The following EMID1 variants were observed in gnomAD, a reference collection of about 807,000 sequenced individuals.
EMID1 encodes EMI domain-containing protein 1.
Under a neutral mutation model 60.6 loss-of-function variants are expected in EMID1, and 40 were observed. That is an observed-to-expected ratio of 0.66 (90% CI 0.51 to 0.86). The LOEUF is 0.86. Ranked by LOEUF, EMID1 falls within the 40% of genes least tolerant of loss-of-function variation. EMID1 has a pLI of 0.00. For synonymous variants in EMID1, 242 were observed against 231.0 expected, an observed-to-expected ratio of 1.05 and a Z score of -0.43; for missense variants, 585 against 597.1, an observed-to-expected ratio of 0.98 and a Z score of 0.21.
intron 4 of EMID1, among the ~76,000 whole-genome samples, chr22:29,226,100 C>T (rs925171547): frequency 2.0e-5 from 3 of 152,118 alleles, no homozygotes; most frequent in Non-Finnish European, 4.4e-5. Flanking sequence ...CAGACCCAGG[C>T]TTGTCTGAGC....
Position 29,232,321 on chromosome 22 carries a change from C to G in EMID1, c.742C>G (p.Pro248Ala), listed in dbSNP as rs377342880. Residue 248 changes from proline (P) to alanine (A), a missense_variant, in exon 8 of 15, where the codon CCT becomes GCT. Physicochemically the swap from Pro to Ala is conservative, Grantham distance 27. Transcript: ENST00000334018. ...TGTGGGCACCCCTGGAGAGAGGGGACCTCCTGGGCCACCAGGGCCTCCTGG... is the reference window on the plus strand; with the variant it reads ...TGTGGGCACCCCTGGAGAGAGGGGAGCTCCTGGGCCACCAGGGCCTCCTGG... ...GAVGTPGERG[P>A]PGPPGPPGPP... 1 of 1,610,242 alleles carries G rather than the reference C, an allele frequency of 6.2e-7. No individual in the cohort carries two copies. Among genetic ancestry groups the G allele is most frequent in the South Asian group, 1.1e-5 (1 of 90,962 alleles).
intron 11 of EMID1, 51 bp downstream of exon 11, chr22:29,234,250 C>T (rs1269968333): frequency 1.2e-6 from 2 of 1,611,188 alleles, no homozygotes; most frequent in African/African-American, 1.3e-5. Flanking sequence ...GTCCTGAGGG[C>T]CCCAGGTCAG....
intron 13 of EMID1, among the ~76,000 whole-genome samples, chr22:29,253,278 T>C (rs1356003404): frequency 6.6e-6 from 1 of 152,076 alleles, no homozygotes; most frequent in Non-Finnish European, 1.5e-5. Context: ...GACCCTTGTC[T>C]CTTAAAAAAA....
rs56085732 is a variant in EMID1, at chr22:29,235,780, C to CTTT, written c.1074+1456_1074+1458dup. Among the ~76,000 whole-genome samples the CTTT allele has an allele frequency of 8.3e-4, 61 of 73,876 alleles. 1 individual carries two copies. Among genetic ancestry groups the CTTT allele is most frequent in the African/African-American group, 2.1e-3 (38 of 18,520 alleles). The allele number at this position is 73,876 out of a possible 152,430, so 48.5% of individuals were successfully genotyped here. A position where few individuals can be genotyped will look rare whatever the true frequency, so the allele number is the denominator to read the frequency against. Reference sequence around the variant, plus strand: ...GAATTAAAGCTTTCTAGAATTTAAGCTTTTTTTTTTTTTTTTTTTTTTTTT... The same window carrying CTTT: ...GAATTAAAGCTTTCTAGAATTTAAGCTTTTTTTTTTTTTTTTTTTTTTTTTTTT... On this transcript the variant is annotated intron_variant, in intron 12 of 14. Transcript: ENST00000334018.
At chr22:29,242,372 T>C (rs2041185144) in intron 12 of EMID1, among the ~76,000 whole-genome samples, 1 of 152,238 alleles carries the variant, frequency 6.6e-6, no homozygotes, top group South Asian at 2.1e-4. Flanking sequence ...ATTTGATTCT[T>C]TTTTATAATT....
chr22:29,231,563 G>C (rs567207310), intron 6 of EMID1, 30 bp from the exon 7 acceptor site: 1 of 1,548,230 alleles, frequency 6.5e-7, no homozygotes, highest in African/African-American at 1.4e-5. Context: ...CAGATGTGGA[G>C]CTGCCAGTCT....
Position 29,232,271 on chromosome 22 carries a change from C to T in EMID1, c.692C>T (p.Pro231Leu). ...TCCATTGCAGGTCCACAGGGCCCCCCAGGGAGCCCTGGCCGGGCTGGAGCT... is the reference window on the plus strand; with the variant it reads ...TCCATTGCAGGTCCACAGGGCCCCCTAGGGAGCCCTGGCCGGGCTGGAGCT... The part of the protein sequence containing the change: ...MRGPPGPQGP[P>L]GSPGRAGAVG... Residue 231 changes from proline to leucine, a missense_variant, in exon 8 of 15, where the codon CCA becomes CTA. By Grantham distance (98) the Pro-to-Leu change is moderately conservative. Transcript: ENST00000334018. The T allele has an allele frequency of 6.2e-7, 1 of 1,611,662 alleles. No homozygotes were observed. The highest frequency in any genetic ancestry group is 8.5e-7 in the Non-Finnish European group (1 of 1,179,802).
chr22:29,239,724 A>C (rs2041085941), intron 12 of EMID1, among the ~76,000 whole-genome samples: 1 of 151,820 alleles, frequency 6.6e-6, no homozygotes, highest in South Asian at 2.1e-4. Context: ...GTATTGGGGA[A>C]GGGAAGTGTT....
chr22:29,215,132 G>A, intron 2 of EMID1, 93 bp downstream of exon 2: 1 of 1,443,128 alleles, frequency 6.9e-7, no homozygotes, highest in Non-Finnish European at 9.2e-7. Context: ...GAGTGTGGGG[G>A]AAGACTGGAC....
rs1382977158 is a variant in EMID1 at position 29,206,013 on chromosome 22, CGCGCGCGGAGGG to C, written c.-25_-14del. 8.3e-7 allele frequency: 1 copy of C among 1,204,504 alleles called. No homozygotes were observed. Among genetic ancestry groups the C allele is most frequent in the Non-Finnish European group, 1.0e-6 (1 of 969,926 alleles). The allele number at this position is 1,204,504 out of a possible 1,614,324, so 74.6% of individuals were successfully genotyped here. A position where few individuals can be genotyped will look rare whatever the true frequency, so the allele number is the denominator to read the frequency against. On this transcript the variant is annotated 5_prime_UTR_variant, in exon 1 of 15. Coordinates refer to ENST00000334018, the MANE Select transcript of EMID1 (RefSeq NM_133455.4). ...GCTGGGGGCGGCGACCGCGAGGGGC[CGCGCGCGGAGGG>C]CGCCTGGTGCAGCATGGGCGGCCCG...
Position 29,258,928 on chromosome 22 carries a change from G to A in EMID1, c.1316G>A (p.Arg439Gln), listed in dbSNP as rs369594186. ...TNYRIVAPRS[R>Q]DERG ...TACCGGATCGTGGCCCCCAGGAGCC[G>A]GGACGAGAGAGGCTGAGGGTGGTGG... Residue 439 changes from arginine (R) to glutamine (Q), a missense_variant, in exon 15 of 15, where the codon CGG becomes CAG. Coordinates refer to ENST00000334018, the MANE Select transcript of EMID1 (RefSeq NM_133455.4). The A allele has an allele frequency of 2.1e-5, 34 of 1,612,874 alleles. No homozygotes were observed. In the East Asian group the frequency reaches 2.9e-4, roughly 14 times the overall value.
intron 14 of EMID1, among the ~76,000 whole-genome samples, chr22:29,257,250 C>T (rs1203575426): frequency 1.3e-5 from 2 of 152,174 alleles, no homozygotes; most frequent in Non-Finnish European, 2.9e-5. Context: ...GGACCCTCCC[C>T]ATTGGCGCAA....
intron 7 of EMID1, 85 bp downstream of exon 7, chr22:29,231,767 A>T: frequency 7.7e-7 from 1 of 1,306,360 alleles, no homozygotes; most frequent in South Asian, 1.7e-5. Flanking sequence ...CATGGCCAGG[A>T]TGACCTGGGC....
chr22:29,234,490 A>T, intron 12 of EMID1, 141 bp downstream of exon 12: 1 of 1,005,672 alleles, frequency 9.9e-7, no homozygotes, highest in East Asian at 2.6e-5. Context: ...TGTCTCTGAG[A>T]CTCATTGTCC....
intron 6 of EMID1, 102 bp from the exon 7 acceptor site, chr22:29,231,491 C>A (rs562700332): frequency 1.6e-6 from 2 of 1,281,858 alleles, no homozygotes; most frequent in Non-Finnish European, 2.2e-6. Context: ...GTGAGGGTCC[C>A]GCTGCTTCCC....
intron 3 of EMID1, among the ~76,000 whole-genome samples, chr22:29,217,266 C>T (rs1601915738): frequency 2.0e-5 from 3 of 152,360 alleles, no homozygotes; most frequent in East Asian, 3.9e-4. Flanking sequence ...TGCTGGAGGC[C>T]GTGAGTCCAG....
chr22:29,237,537 G>A (rs1442154396), intron 12 of EMID1, among the ~76,000 whole-genome samples: 3 of 143,540 alleles, frequency 2.1e-5, no homozygotes, highest in Admixed American at 6.8e-5. Context: ...GGTGGCTCAC[G>A]CCTATAATCC....
rs767426583 is a variant in EMID1 at position 29,225,171 on chromosome 22, G to A, written c.358G>A (p.Gly120Ser). The change falls in exon 4 of 15, where the codon GGC becomes AGC. Residue 120 changes from glycine to serine, a missense_variant. Physicochemically the swap from Gly to Ser is moderately conservative, Grantham distance 56 (BLOSUM62 0). Coordinates refer to ENST00000334018, the MANE Select transcript of EMID1 (RefSeq NM_133455.4). ...TGCCTCCTTGGAGCCCATGTGGTCG[G>A]GCAGTACCATGCGGCGGATGGCGCT... The part of the protein sequence containing the change: ...SSASLEPMWS[G>S]STMRRMALRP... 1.2e-6 allele frequency: 2 copies of A among 1,613,968 alleles called. No homozygotes were observed. Among genetic ancestry groups the A allele is most frequent in the South Asian group, 2.2e-5 (2 of 91,078 alleles).
intron 5 of EMID1, among the ~76,000 whole-genome samples, chr22:29,227,236 G>A (rs2040549076): frequency 6.6e-6 from 1 of 152,020 alleles, no homozygotes; most frequent in South Asian, 2.1e-4. Context: ...GACCATAGGT[G>A]AACAATACCA....
Sources: gnomAD v4.1 joint callset for allele counts (sites outside exome capture counted in the v4.1 genomes callset) on GRCh38, gnomAD v4.1.1 for gene constraint, MANE v1.5 for transcripts, NCBI Gene and HGNC (gene_info 2026-07-23, HGNC 2026-07-21) for gene names.